Variants in PCDHA2 observed in about 807,000 individuals in gnomAD.
PCDHA2 encodes the protein protocadherin alpha-2.
Under a neutral mutation model 66.0 loss-of-function variants are expected in PCDHA2, and 58 were observed. That is an observed-to-expected ratio of 0.88 (90% CI 0.71 to 1.09). The LOEUF is 1.09. PCDHA2 is among the 50% of genes least tolerant of loss of function. PCDHA2 has a pLI of 0.00. For synonymous variants in PCDHA2, 634 were observed against 554.0 expected, an observed-to-expected ratio of 1.14 and a Z score of -2.03; for missense variants, 1,267 against 1,242.3, an observed-to-expected ratio of 1.02 and a Z score of -0.30.
chr5:140,833,206 T>C (rs1215291957), intron 1 of PCDHA2, among the ~76,000 whole-genome samples: 2 of 151,926 alleles, frequency 1.3e-5, no homozygotes, highest in African/African-American at 4.8e-5. Context: ...GAGAATGAAA[T>C]AGGAATGGAC....
chr5:140,795,324 A>G lies in PCDHA2; in HGVS notation c.360A>G (p.Glu120=), dbSNP rs782786984. ...VDRPLQVFHV[E]VEVKDINDNP... ...GGCCGCTGCAGGTTTTCCATGTGGA[A>G]GTGGAGGTGAAGGACATTAACGACA... The change falls in exon 1 of 4, where the codon GAA becomes GAG. Residue 120 remains glutamate (E), a synonymous_variant. Transcript: ENST00000526136. 1.1e-5 allele frequency: 17 copies of G among 1,614,222 alleles called. No homozygotes were observed. Among genetic ancestry groups the G allele is most frequent in the East Asian group, 2.2e-5 (1 of 44,886 alleles).
At chr5:140,822,399 T>C in intron 1 of PCDHA2, 2 of 1,614,072 alleles carry the variant, frequency 1.2e-6, no homozygotes, top group Non-Finnish European at 1.7e-6. Flanking sequence ...AAGAACACCG[T>C]TTATTAGTGA....
chr5:140,975,056 A>C (rs1006106436), intron 1 of PCDHA2, among the ~76,000 whole-genome samples: 1 of 152,154 alleles, frequency 6.6e-6, no homozygotes, highest in Non-Finnish European at 1.5e-5. Flanking sequence ...AGAATCTACT[A>C]TCGAGCTCAT....
chr5:140,855,412 A>T (rs2043457321), intron 1 of PCDHA2, among the ~76,000 whole-genome samples: 1 of 149,990 alleles, frequency 6.7e-6, no homozygotes, highest in South Asian at 2.1e-4. Context: ...GAAGCTAATG[A>T]TCTCTAAATT....
intron 1 of PCDHA2, chr5:140,830,513 A>C: frequency 7.2e-7 from 1 of 1,380,444 alleles, no homozygotes; most frequent in Non-Finnish European, 9.6e-7. Context: ...ATTAACAGTT[A>C]ATTTTTATTT....
chr5:140,884,386 G>T (rs372595984), intron 1 of PCDHA2: 2 of 1,613,986 alleles, frequency 1.2e-6, no homozygotes, highest in African/African-American at 2.7e-5. Flanking sequence ...CCATCTGCGC[G>T]GTGTCCAGCC....
At chr5:140,934,879 T>C (rs1202301097) in intron 1 of PCDHA2, among the ~76,000 whole-genome samples, 1 of 152,206 alleles carries the variant, frequency 6.6e-6, no homozygotes, top group African/African-American at 2.4e-5. Flanking sequence ...TGTTTGTGTA[T>C]CTTGTTTTAA....
chr5:140,980,901 T>C, intron 2 of PCDHA2, among the ~76,000 whole-genome samples: 1 of 152,218 alleles, frequency 6.6e-6, no homozygotes, highest in East Asian at 1.9e-4. Context: ...TTGGACATCA[T>C]GTAACTATTC....
chr5:140,855,777 G>T (rs1004478743), intron 1 of PCDHA2: 3 of 402,200 alleles, frequency 7.5e-6, no homozygotes, highest in Non-Finnish European at 1.3e-5. Context: ...ATAAAAATAC[G>T]TAAAAAAAGA....
chr5:140,920,745 G>T (rs2079798907), intron 1 of PCDHA2, among the ~76,000 whole-genome samples: 1 of 151,878 alleles, frequency 6.6e-6, no homozygotes, highest in Admixed American at 6.6e-5. Flanking sequence ...TCAGGAGGCT[G>T]AGGCAGGAGA....
rs1312920640 is a variant in PCDHA2, at chr5:140,836,835, CT to C, written c.2388+39486del. ...TCATAATTTCTTTTTTAGTTGATAG[CT>C]TTATGTATAATTATTATTTTTTAAT... is the stretch of plus-strand genomic sequence containing the variant. On this transcript the variant is annotated intron_variant, in intron 1 of 3. Transcript: ENST00000526136. 2.4e-5 allele frequency: 21 copies of C among 878,886 alleles called. No individual in the cohort carries two copies. The African/African-American group carries it at 3.6e-4, about 15-fold the overall frequency. The allele number at this position is 878,886 out of a possible 1,614,324, so 54.4% of individuals were successfully genotyped here. A position where few individuals can be genotyped will look rare whatever the true frequency, so the allele number is the denominator to read the frequency against.
Position 140,815,237 on chromosome 5 carries a change from T to C in PCDHA2, c.2388+17885T>C, listed in dbSNP as rs972816708. The stretch of plus-strand genomic sequence containing the variant: ...TTACTGTTGCCTCTTTGTTAATTGT[T>C]GTTTGCAGCTTGTAGACTTTTTGCT... On this transcript the variant is annotated intron_variant, in intron 1 of 3. Coordinates refer to ENST00000526136, the MANE Select transcript of PCDHA2 (RefSeq NM_018905.3). The C allele has an allele frequency of 2.0e-5, 3 of 152,152 alleles. 1 individual carries two copies. The highest frequency in any genetic ancestry group is 2.0e-4 in the Admixed American group (3 of 15,276). 9.4% of individuals were successfully genotyped at this position (152,152 alleles called of 1,614,324 possible).
chr5:140,870,229 C>G, intron 1 of PCDHA2: 3 of 1,614,164 alleles, frequency 1.9e-6, no homozygotes, highest in Non-Finnish European at 2.5e-6. Flanking sequence ...CGTGTCTGAC[C>G]GTGACTCAGG....
At chr5:140,815,851 G>C (rs767605235) in intron 1 of PCDHA2, 4 of 152,088 alleles carry the variant, frequency 2.6e-5, no homozygotes, top group Non-Finnish European at 4.4e-5. Context: ...TGGTGGATTT[G>C]GTATTCTTGG....
At chr5:140,900,192 A>G (rs1280412667) in intron 1 of PCDHA2, among the ~76,000 whole-genome samples, 2 of 152,186 alleles carry the variant, frequency 1.3e-5, no homozygotes, top group African/African-American at 2.4e-5. Flanking sequence ...ACTTATAATG[A>G]CATCCAGTTT....
At chr5:140,820,411 T>G (rs72800974) in intron 1 of PCDHA2, among the ~76,000 whole-genome samples, 2 of 151,990 alleles carry the variant, frequency 1.3e-5, no homozygotes, top group Non-Finnish European at 2.9e-5. Context: ...ATTTTAAATG[T>G]AAAAGTATCC....
At chr5:140,978,914 C>A (rs2096828574) in intron 1 of PCDHA2, 35 bp from the exon 2 acceptor site, 10 of 1,613,852 alleles carry the variant, frequency 6.2e-6, no homozygotes, top group Non-Finnish European at 8.5e-6. Context: ...ATTGTCTTGT[C>A]ATTTTAACAG....
chr5:140,896,560 A>G (rs1583236503), intron 1 of PCDHA2, among the ~76,000 whole-genome samples: 2 of 150,934 alleles, frequency 1.3e-5, no homozygotes, highest in African/African-American at 4.9e-5. Flanking sequence ...TATTTTAAGT[A>G]GAGATGGGGT....
At chr5:140,849,879 G>T (rs1554143450) in intron 1 of PCDHA2, 2 of 1,598,636 alleles carry the variant, frequency 1.3e-6, no homozygotes, top group Admixed American at 1.7e-5. Context: ...CGAGTACACG[G>T]TGTTCGTGAA....
Sources: gnomAD v4.1 joint callset for allele counts (sites outside exome capture counted in the v4.1 genomes callset) on GRCh38, gnomAD v4.1.1 for gene constraint, MANE v1.5 for transcripts, NCBI Gene and HGNC (gene_info 2026-07-23, HGNC 2026-07-21) for gene names.